Variants in SLC25A21 observed in about 807,000 individuals in gnomAD.
SLC25A21 encodes solute carrier family 25 member 21, also known as mitochondrial 2-oxodicarboxylate carrier.
SLC25A21 carries 47 observed loss-of-function variants against 43.8 expected under a neutral mutation model. The ratio of observed to expected loss-of-function variants is 1.07; its 90% confidence interval spans 0.85 to 1.37. SLC25A21 has a LOEUF of 1.37. Among genes scored for constraint, SLC25A21 ranks in the 40% most tolerant of loss-of-function variants. SLC25A21 has a pLI of 0.00. For missense variants in SLC25A21, 352 were observed against 350.2 expected, an observed-to-expected ratio of 1.00 and a Z score of -0.04; for synonymous variants, 131 against 121.3, an observed-to-expected ratio of 1.08 and a Z score of -0.52.
At chr14:36,995,640 T>A (rs138374984) in intron 1 of SLC25A21, among the ~76,000 whole-genome samples, 2 of 152,310 alleles carry the variant, frequency 1.3e-5, no homozygotes, top group Non-Finnish European at 2.9e-5. Context: ...GTTAAAAATG[T>A]AAGTCACACA....
intron 1 of SLC25A21, among the ~76,000 whole-genome samples, chr14:36,960,944 T>G (rs1337728194): frequency 6.6e-6 from 1 of 152,186 alleles, no homozygotes; most frequent in Non-Finnish European, 1.5e-5. Context: ...ACCTAATTGC[T>G]CATATGGAAT....
At position 36,891,742 on chromosome 14, in the gene SLC25A21, C is replaced by T. The variant is rs149261821; in HGVS notation, c.71-16738G>A. ...TCACCTATGGATAGGAGAGGCAGAG[C>T]GCGTAAGACTATGAATATGTCTCTT... On this transcript the variant is annotated intron_variant, in intron 1 of 9. Transcript: ENST00000331299. 3.2e-3 allele frequency among the ~76,000 whole-genome samples: 485 copies of T among 152,130 alleles called. 4 individuals are homozygous for T. Among genetic ancestry groups the T allele is most frequent in the African/African-American group, 0.011 (450 of 41,484 alleles).
chr14:36,951,293 A>G (rs1280780626), intron 1 of SLC25A21, among the ~76,000 whole-genome samples: 1 of 152,108 alleles, frequency 6.6e-6, no homozygotes, highest in Non-Finnish European at 1.5e-5. Flanking sequence ...AATTCTGTTT[A>G]GAAAGAGGAT....
chr14:37,114,566 A>C (rs1963073481), intron 1 of SLC25A21, among the ~76,000 whole-genome samples: 1 of 152,218 alleles, frequency 6.6e-6, no homozygotes, highest in South Asian at 2.1e-4. Flanking sequence ...TATTTTTAAG[A>C]GGGAATAAAC....
At chr14:36,703,645 A>T (rs1594505077) in intron 7 of SLC25A21, among the ~76,000 whole-genome samples, 1 of 152,230 alleles carries the variant, frequency 6.6e-6, no homozygotes, top group African/African-American at 2.4e-5. Flanking sequence ...AATACTGTTG[A>T]CAGCCATTAG....
chr14:36,900,134 T>C (rs534815279), intron 1 of SLC25A21, among the ~76,000 whole-genome samples: 3 of 152,032 alleles, frequency 2.0e-5, no homozygotes, highest in Admixed American at 6.5e-5. Flanking sequence ...CTTGCTTTAT[T>C]CACTCCTGCT....
At chr14:36,841,678 C>A (rs1889387552) in intron 2 of SLC25A21, among the ~76,000 whole-genome samples, 1 of 152,186 alleles carries the variant, frequency 6.6e-6, no homozygotes. Flanking sequence ...TGTGCCACTT[C>A]CGCCTATGCA....
chr14:36,760,789 G>C (rs7153299), intron 3 of SLC25A21, among the ~76,000 whole-genome samples: 240 of 152,248 alleles, frequency 1.6e-3, no homozygotes, highest in Middle Eastern at 6.8e-3. Flanking sequence ...CCCCCCAGGA[G>C]AGGGCTTTAG....
chr14:37,093,624 T>C (rs1962629611), intron 1 of SLC25A21, among the ~76,000 whole-genome samples: 1 of 152,168 alleles, frequency 6.6e-6, no homozygotes. Context: ...CAAAATTCAT[T>C]GCGTGTAAGA....
At chr14:36,777,635 C>T (rs570082353) in intron 3 of SLC25A21, among the ~76,000 whole-genome samples, 2 of 152,210 alleles carry the variant, frequency 1.3e-5, no homozygotes, top group Non-Finnish European at 2.9e-5. Flanking sequence ...AGCTAGAGTG[C>T]CAAGGATTGC....
chr14:36,754,782 T>C (rs1885862338), intron 3 of SLC25A21, among the ~76,000 whole-genome samples: 1 of 152,044 alleles, frequency 6.6e-6, no homozygotes, highest in Non-Finnish European at 1.5e-5. Context: ...TTAAATTTAA[T>C]AGGAAATATG....
intron 1 of SLC25A21, among the ~76,000 whole-genome samples, chr14:36,996,805 T>G (rs1960381670): frequency 6.6e-6 from 1 of 152,032 alleles, no homozygotes. Flanking sequence ...CTCCTCAGAG[T>G]GTGTTCCAAC....
intron 7 of SLC25A21, among the ~76,000 whole-genome samples, chr14:36,695,727 G>A (rs1410949711): frequency 6.6e-6 from 1 of 152,102 alleles, no homozygotes; most frequent in East Asian, 1.9e-4. Flanking sequence ...ATGGAGTATA[G>A]GAATGCTTGT....
At chr14:37,010,818 C>A (rs1033725411) in intron 1 of SLC25A21, among the ~76,000 whole-genome samples, 1 of 152,118 alleles carries the variant, frequency 6.6e-6, no homozygotes. Flanking sequence ...AATGAGAGAT[C>A]AGTGCAGCCT....
In SLC25A21 at chr14:37,107,692, A is replaced by G. The variant is rs751189691; in HGVS notation, c.70+64589T>C. 6.2e-4 allele frequency among the ~76,000 whole-genome samples: 95 copies of G among 152,170 alleles called. 1 individual carries two copies. Among genetic ancestry groups the G allele is most frequent in the Non-Finnish European group, 1.9e-4 (13 of 68,034 alleles). On this transcript the variant is annotated intron_variant, in intron 1 of 9. Transcript: ENST00000331299. ...TCATCCCCATTTCACTGAAAAAGAA[A>G]CTGAAGCACAGAGGTAAACTGTAAG...
At chr14:36,884,644 C>T (rs892740643) in intron 1 of SLC25A21, among the ~76,000 whole-genome samples, 3 of 152,172 alleles carry the variant, frequency 2.0e-5, no homozygotes, top group Non-Finnish European at 4.4e-5. Context: ...CACTTTTTAT[C>T]TTTCATCTTT....
chr14:37,166,351 A>T (rs1964030031), intron 1 of SLC25A21, among the ~76,000 whole-genome samples: 1 of 152,252 alleles, frequency 6.6e-6, no homozygotes, highest in South Asian at 2.1e-4. Context: ...TATGGATTGT[A>T]TTTGTAGGTA....
chr14:37,145,440 A>AAT (rs1337211115), intron 1 of SLC25A21, among the ~76,000 whole-genome samples: 1 of 74,410 alleles, frequency 1.3e-5, no homozygotes, highest in Non-Finnish European at 2.6e-5. Flanking sequence ...AAAATACTAA[A>AAT]ATACACACAC....
intron 1 of SLC25A21, among the ~76,000 whole-genome samples, chr14:36,993,147 T>A (rs1960299748): frequency 6.6e-6 from 1 of 152,210 alleles, no homozygotes; most frequent in South Asian, 2.1e-4. Flanking sequence ...CCAGAATATA[T>A]CTAATTAATA....
Sources: allele counts gnomAD v4.1 joint callset (sites outside exome capture counted in the v4.1 genomes callset), GRCh38; gene constraint gnomAD v4.1.1; transcripts MANE v1.5; gene names NCBI Gene and HGNC (gene_info 2026-07-23, HGNC 2026-07-21).